Variants in VRK3 observed in about 807,000 individuals in gnomAD.
VRK3 encodes serine/threonine-protein kinase VRK3.
A neutral mutation model predicts 60.4 loss-of-function variants in VRK3; 50 were observed. The ratio of observed to expected loss-of-function variants is 0.83; its 90% CI spans 0.66 to 1.05. The LOEUF is 1.05. VRK3 is among the 50% of genes least tolerant of loss of function. The pLI is 0.00. For missense variants in VRK3, 549 were observed against 585.3 expected (o/e 0.94, Z 0.64); for synonymous variants, 246 against 227.8 (o/e 1.08, Z -0.72).
At chr19:50,011,148 AAC>A (rs939924668) in intron 3 of VRK3, among the ~76,000 whole-genome samples, 17 of 152,090 alleles carry the variant, frequency 1.1e-4, no homozygotes, top group African/African-American at 3.6e-4. Flanking sequence ...ACCCCAATAA[AAC>A]ACAGGCTCAA....
chr19:49,996,402 C>T (rs2076705678), intron 7 of VRK3, among the ~76,000 whole-genome samples: 1 of 151,914 alleles, frequency 6.6e-6, no homozygotes. Flanking sequence ...CTGCTATGGC[C>T]AACTCCAAGC....
rs796159081 is a variant in VRK3, at chr19:50,025,338, G to C, written c.-136C>G. On this transcript the variant is annotated 5_prime_UTR_variant, in exon 1 of 15. Transcript: ENST00000316763. ...ACCCTCGGATCCTCCGCAGTTACCCGGACTCACCTTCTCAGTTGCCCAGCG... is the reference window on the plus strand; with the variant it reads ...ACCCTCGGATCCTCCGCAGTTACCCCGACTCACCTTCTCAGTTGCCCAGCG... 2 of 152,406 alleles carry C rather than the reference G, an allele frequency of 1.3e-5. No individual in the cohort carries two copies. The highest frequency in any genetic ancestry group is 4.8e-5 in the African/African-American group (2 of 41,574). 9.4% of individuals were successfully genotyped at this position (152,406 alleles called of 1,614,324 possible). A position where few individuals can be genotyped will look rare whatever the true frequency, so the allele number is the denominator to read the frequency against.
chr19:49,981,774 C>T (rs1055360031), intron 12 of VRK3: 12 of 1,035,018 alleles, frequency 1.2e-5, no homozygotes, highest in Non-Finnish European at 1.4e-5. Flanking sequence ...CCTCCCCACC[C>T]GTCCCAAGCA....
chr19:49,980,074 A>T (rs901277030), intron 13 of VRK3, among the ~76,000 whole-genome samples: 5 of 150,338 alleles, frequency 3.3e-5, no homozygotes, highest in Admixed American at 2.0e-4. Context: ...AATAAATTTT[A>T]AAAAAATAAA....
At chr19:50,025,107 AG>A (rs1390804954) in intron 1 of VRK3, 159 bp downstream of exon 1, 1 of 152,270 alleles carries the variant, frequency 6.6e-6, no homozygotes, top group Non-Finnish European at 1.5e-5. Flanking sequence ...GCTCAAGAGG[AG>A]GCCAGTGAAC....
chr19:49,981,629 C>T (rs922625558), intron 12 of VRK3: 1 of 790,908 alleles, frequency 1.3e-6, no homozygotes, highest in African/African-American at 1.9e-5. Flanking sequence ...ATTGTTGATT[C>T]ATTAGCATTG....
chr19:49,977,799 C>T (rs950843494), intron 14 of VRK3, among the ~76,000 whole-genome samples: 5 of 152,034 alleles, frequency 3.3e-5, no homozygotes, highest in African/African-American at 1.2e-4. Context: ...GAGATTGGCA[C>T]AGGTCATGAC....
intron 2 of VRK3, among the ~76,000 whole-genome samples, chr19:50,016,805 A>G (rs889317230): frequency 6.6e-6 from 1 of 152,252 alleles, no homozygotes; most frequent in African/African-American, 2.4e-5. Context: ...TAAGCCAGTT[A>G]AGTGAAGAAG....
chr19:49,988,628 G>T, intron 11 of VRK3, 136 bp from the exon 12 acceptor site: 1 of 1,214,996 alleles, frequency 8.2e-7, no homozygotes, highest in Non-Finnish European at 1.1e-6. Context: ...CATATGGGCT[G>T]TCTCCTCCGC....
intron 3 of VRK3, among the ~76,000 whole-genome samples, chr19:50,015,264 T>A (rs1012998074): frequency 6.6e-6 from 1 of 151,796 alleles, no homozygotes; most frequent in African/African-American, 2.4e-5. Context: ...AAACTTTGAG[T>A]GTCAACAGGA....
chr19:50,021,863 T>C (rs2077175994), intron 1 of VRK3, among the ~76,000 whole-genome samples: 1 of 152,234 alleles, frequency 6.6e-6, no homozygotes, highest in Non-Finnish European at 1.5e-5. Context: ...GCAGGTATTA[T>C]CTACAGAACC....
intron 1 of VRK3, among the ~76,000 whole-genome samples, chr19:50,021,792 C>CT (rs1304072341): frequency 1.3e-5 from 2 of 152,258 alleles, no homozygotes; most frequent in African/African-American, 4.8e-5. Context: ...AAGTCACTCA[C>CT]TTAAGACGGT....
At chr19:49,998,050 T>C (rs1234732832) in intron 6 of VRK3, 1 of 152,424 alleles carries the variant, frequency 6.6e-6, no homozygotes, top group East Asian at 1.9e-4. Context: ...GCGTTGAAAA[T>C]GTTGGTGCAA....
chr19:50,008,573 C>T (rs2076941371), intron 4 of VRK3, among the ~76,000 whole-genome samples: 1 of 152,306 alleles, frequency 6.6e-6, no homozygotes, highest in African/African-American at 2.4e-5. Context: ...GTGTCCTGGG[C>T]ACTGGCTGGG....
intron 12 of VRK3, among the ~76,000 whole-genome samples, chr19:49,985,636 A>G (rs1434147565): frequency 6.6e-6 from 1 of 152,142 alleles, no homozygotes; most frequent in Non-Finnish European, 1.5e-5. Flanking sequence ...CTGACCTCTG[A>G]CACACCATGT....
At chr19:50,007,441 G>C in intron 5 of VRK3, 128 bp downstream of exon 5, 1 of 1,420,026 alleles carries the variant, frequency 7.0e-7, no homozygotes, top group East Asian at 2.3e-5. Context: ...AGGTCTAAGA[G>C]AAAGTTGCCT....
chr19:49,977,042 A>C (rs2076342054), intron 14 of VRK3, among the ~76,000 whole-genome samples: 1 of 152,152 alleles, frequency 6.6e-6, no homozygotes. Context: ...ATGATGAGCA[A>C]GTGGGTGGGG....
chr19:50,000,498 T>C (rs1408407778), intron 6 of VRK3: 3 of 473,480 alleles, frequency 6.3e-6, no homozygotes, highest in South Asian at 4.3e-5. Flanking sequence ...TGGGTATTAG[T>C]GGCTCCATTT....
chr19:49,988,516 G>C (rs762613299), intron 11 of VRK3, 24 bp from the exon 12 acceptor site: 1 of 1,609,258 alleles, frequency 6.2e-7, no homozygotes, highest in South Asian at 1.1e-5. Flanking sequence ...AGTAAAGGTG[G>C]CAGCTCAAGT....
Sources: allele counts gnomAD v4.1 joint callset (sites outside exome capture counted in the v4.1 genomes callset), GRCh38; gene constraint gnomAD v4.1.1; transcripts MANE v1.5; gene names NCBI Gene and HGNC (gene_info 2026-07-23, HGNC 2026-07-21).